NET1: variants seen among roughly 807,000 people sequenced by gnomAD.
NET1 encodes neuroepithelial cell transforming 1, also known as neuroepithelial cell-transforming gene 1 protein.
A neutral mutation model predicts 61.1 loss-of-function variants in NET1; 42 were observed. The observed-to-expected ratio is 0.69, with a 90% CI of 0.54 to 0.89. The LOEUF (loss-of-function observed/expected upper bound fraction) is 0.89. NET1 is among the 40% of genes least tolerant of loss of function. The pLI is 0.00. For synonymous variants in NET1, 254 were observed against 281.8 expected (o/e 0.90, Z 0.99); for missense variants, 654 against 747.3 (o/e 0.88, Z 1.46).
At chr10:5,419,770 G>A (rs1392950179) in intron 1 of NET1, among the ~76,000 whole-genome samples, 6 of 151,856 alleles carry the variant, frequency 4.0e-5, no homozygotes, top group Non-Finnish European at 7.4e-5. Flanking sequence ...CTTCATTCTC[G>A]AAAGATAATT....
Position 5,431,190 on chromosome 10 carries a change from C to G in NET1, c.255+1961C>G, listed in dbSNP as rs1464838580. ...CCGGCCTTAACTATATCTCTTAAGTCTCTTTTAGTTCATTGGTTTCCCCTC... is the reference window on the plus strand; with the variant it reads ...CCGGCCTTAACTATATCTCTTAAGTGTCTTTTAGTTCATTGGTTTCCCCTC... On this transcript the variant is annotated intron_variant, in intron 3 of 11. Coordinates refer to ENST00000355029, the MANE Select transcript of NET1 (RefSeq NM_001047160.3). The surrounding 1 kb of genome is among the most constrained non-coding windows in gnomAD (Gnocchi z 4.9). 6.6e-6 allele frequency among the ~76,000 whole-genome samples: 1 copy of G among 152,168 alleles called. No homozygotes were observed. The highest frequency in any genetic ancestry group is 2.1e-4 in the South Asian group (1 of 4,834).
At chr10:5,413,036 TG>T (rs1187075383) in intron 1 of NET1, among the ~76,000 whole-genome samples, 584 of 39,908 alleles carry the variant, frequency 0.015, 6 homozygotes, top group African/African-American at 0.097. Context: ...ACCGCGGGGT[TG>T]GGGGGGGGGA....
intron 2 of NET1, among the ~76,000 whole-genome samples, chr10:5,428,898 T>TC (rs1425027405): frequency 3.3e-5 from 5 of 150,606 alleles, no homozygotes; most frequent in Non-Finnish European, 7.4e-5. Context: ...AATTTTTTTT[T>TC]TTTTTTTGGA....
chr10:5,446,702 G>A lies in NET1; in HGVS notation c.256-5128G>A. On this transcript the variant is annotated intron_variant, in intron 3 of 11. Coordinates refer to ENST00000355029, the MANE Select transcript of NET1 (RefSeq NM_001047160.3). This position sits in a 1 kb window ranked among gnomAD's most constrained non-coding sequence, Gnocchi z 5.0. Reference sequence around the variant, plus strand: ...AGAAAAGCCCGTGTGCCTCTGCATAGCGTCGCTACAGCGCTGACTCGGTGT... The same window carrying A: ...AGAAAAGCCCGTGTGCCTCTGCATAACGTCGCTACAGCGCTGACTCGGTGT... The A allele has an allele frequency of 9.5e-6, 14 of 1,469,834 alleles. No homozygotes were observed. Among genetic ancestry groups the A allele is most frequent in the Non-Finnish European group, 1.3e-5 (14 of 1,097,890 alleles). 91.0% of individuals were successfully genotyped at this position (1,469,834 alleles called of 1,614,324 possible).
rs1377818009 is a variant in NET1, at chr10:5,439,126, AC to A, written c.255+9900del. On this transcript the variant is annotated intron_variant, in intron 3 of 11. Coordinates refer to ENST00000355029, the MANE Select transcript of NET1 (RefSeq NM_001047160.3). This position sits in a 1 kb window ranked among gnomAD's most constrained non-coding sequence, Gnocchi z 4.8. ...TTCCAAGCTCCTGACCAATCAGCCA[AC>A]CCATTTGCCACTGCTCAGGAGCCTG... is the stretch of plus-strand genomic sequence containing the variant. 6.6e-6 allele frequency among the ~76,000 whole-genome samples: 1 copy of A among 152,102 alleles called. No homozygotes were observed. Among genetic ancestry groups the A allele is most frequent in the Non-Finnish European group, 1.5e-5 (1 of 68,006 alleles).
chr10:5,454,607 T>A lies in NET1; in HGVS notation c.1026+85T>A. 1 of 1,415,468 alleles carries A rather than the reference T, an allele frequency of 7.1e-7. No homozygotes were observed. The highest frequency in any genetic ancestry group is 1.4e-5 in the South Asian group (1 of 73,176). 87.7% of individuals were successfully genotyped at this position (1,415,468 alleles called of 1,614,324 possible). ...AACGTTATCTTCTGAAGATGCTGAT[T>A]CACATCAGCATAGTGAATTGTTTTG... On this transcript the variant is annotated intron_variant, in intron 9 of 11. Coordinates refer to ENST00000355029, the MANE Select transcript of NET1 (RefSeq NM_001047160.3). The surrounding 1 kb of genome is among the most constrained non-coding windows in gnomAD (Gnocchi z 8.1).
chr10:5,452,641 AC>A lies in NET1; in HGVS notation c.531+118del, dbSNP rs1588439995. 1 of 1,135,762 alleles carries A rather than the reference AC, an allele frequency of 8.8e-7. No individual in the cohort carries two copies. The allele number at this position is 1,135,762 out of a possible 1,614,324, so 70.4% of individuals were successfully genotyped here. A position where few individuals can be genotyped will look rare whatever the true frequency, so the allele number is the denominator to read the frequency against. On this transcript the variant is annotated intron_variant, in intron 5 of 11. Coordinates refer to ENST00000355029, the MANE Select transcript of NET1 (RefSeq NM_001047160.3). The surrounding 1 kb of genome is among the most constrained non-coding windows in gnomAD (Gnocchi z 4.0). ...CAATTCCTAATACATGGTGAACAAAACCTAATGATGGATGGTGGTCAAATTA... is the reference window on the plus strand; with the variant it reads ...CAATTCCTAATACATGGTGAACAAAACTAATGATGGATGGTGGTCAAATTA...
rs9971221 is a variant in NET1, at chr10:5,431,711, C to T, written c.255+2482C>T. Among the ~76,000 whole-genome samples, 147,737 of 152,292 alleles carry T rather than the reference C, an allele frequency of 0.97. 71,773 individuals are homozygous for T. The highest frequency in any genetic ancestry group is 1 in the Non-Finnish European group (67,996 of 68,042). On this transcript the variant is annotated intron_variant, in intron 3 of 11. Coordinates refer to ENST00000355029, the MANE Select transcript of NET1 (RefSeq NM_001047160.3). This position sits in a 1 kb window ranked among gnomAD's most constrained non-coding sequence, Gnocchi z 4.9. The stretch of plus-strand genomic sequence containing the variant: ...AAAGTAAGTAATGATTTTTTTTTCT[C>T]CTTAGTATTATGAACTCATGCATAT...
In NET1 at chr10:5,435,382, A is replaced by G. The variant is rs187349713; in HGVS notation, c.255+6153A>G. On this transcript the variant is annotated intron_variant, in intron 3 of 11. Coordinates refer to ENST00000355029, the MANE Select transcript of NET1 (RefSeq NM_001047160.3). This position sits in a 1 kb window ranked among gnomAD's most constrained non-coding sequence, Gnocchi z 5.0. Reference sequence around the variant, plus strand: ...GCTTGGACTTACATCTAAATACAACAGTTTTTATGTAATAAGCTAAACATA... The same window carrying G: ...GCTTGGACTTACATCTAAATACAACGGTTTTTATGTAATAAGCTAAACATA... 6.6e-6 allele frequency among the ~76,000 whole-genome samples: 1 copy of G among 152,276 alleles called. No individual in the cohort carries two copies. Among genetic ancestry groups the G allele is most frequent in the Non-Finnish European group, 1.5e-5 (1 of 68,016 alleles).
chr10:5,456,946 G>A lies in NET1; in HGVS notation c.1743G>A (p.Ala581=), dbSNP rs554422011. The A allele has an allele frequency of 7.7e-5, 123 of 1,600,868 alleles. No individual in the cohort carries two copies. Among genetic ancestry groups the A allele is most frequent in the Middle Eastern group, 5.0e-4 (3 of 5,978 alleles). ...AGACACAGCCCGGCATCCGAAGAGC[G>A]AGGGACAAAGCCCTTTCTGGTGGCA... ...THQTQPGIRR[A]RDKALSGGKR... is the part of the protein sequence containing the mutation. The change falls in exon 12 of 12, where the codon GCG becomes GCA. Residue 581 remains alanine (A), a synonymous_variant. Transcript: ENST00000355029. The surrounding 1 kb of genome is among the most constrained non-coding windows in gnomAD (Gnocchi z 7.0).
Position 5,435,622 on chromosome 10 carries a change from T to C in NET1, c.255+6393T>C, listed in dbSNP as rs549629669. Among the ~76,000 whole-genome samples, 9 of 152,338 alleles carry C rather than the reference T, an allele frequency of 5.9e-5. No individual in the cohort carries two copies. In the South Asian group the frequency reaches 1.5e-3, roughly 25 times the overall value. Reference sequence around the variant, plus strand: ...TGAAATATTAATAATACAGGTCAAATGAATGACATAAGACCTTGGACTTAC... The same window carrying C: ...TGAAATATTAATAATACAGGTCAAACGAATGACATAAGACCTTGGACTTAC... On this transcript the variant is annotated intron_variant, in intron 3 of 11. Coordinates refer to ENST00000355029, the MANE Select transcript of NET1 (RefSeq NM_001047160.3). This position sits in a 1 kb window ranked among gnomAD's most constrained non-coding sequence, Gnocchi z 5.0.
In NET1 at chr10:5,417,173, G is replaced by T. The variant is rs79236193; in HGVS notation, c.128+4353G>T. 1.4e-5 allele frequency among the ~76,000 whole-genome samples: 2 copies of T among 145,718 alleles called. No individual in the cohort carries two copies. The highest frequency in any genetic ancestry group is 1.4e-4 in the Admixed American group (2 of 14,646). ...ATGGCCTGCCAGCTGGCCTGCCAGC[G>T]TGCTGGTGTACTCCCACGTCGATGT... On this transcript the variant is annotated intron_variant, in intron 1 of 11. Transcript: ENST00000355029. This position sits in a 1 kb window ranked among gnomAD's most constrained non-coding sequence, Gnocchi z 5.5.
At chr10:5,429,029 T>TG (rs1435976389) in intron 2 of NET1, 141 bp from the exon 3 acceptor site, 47 of 543,472 alleles carry the variant, frequency 8.6e-5, no homozygotes, top group Admixed American at 1.4e-4. Context: ...CCACCGCGCC[T>TG]GGCCTCAAAG....
rs1832100101 is a variant in NET1, at chr10:5,417,326, A to G, written c.128+4506A>G. Among the ~76,000 whole-genome samples the G allele has an allele frequency of 6.6e-6, 1 of 151,812 alleles. No individual in the cohort carries two copies. The highest frequency in any genetic ancestry group is 1.5e-5 in the Non-Finnish European group (1 of 67,952). ...TGTGGTGAGCCAGGGTGGTCTTGGGAAATGCAACATTTGGGTAGGAAAACA... is the reference window on the plus strand; with the variant it reads ...TGTGGTGAGCCAGGGTGGTCTTGGGGAATGCAACATTTGGGTAGGAAAACA... On this transcript the variant is annotated intron_variant, in intron 1 of 11. Transcript: ENST00000355029. The surrounding 1 kb of genome is among the most constrained non-coding windows in gnomAD (Gnocchi z 5.5).
In NET1 at chr10:5,429,212, AG is replaced by A. The variant is rs1340354312; in HGVS notation, c.239del (p.Ser80ThrfsTer5). On this transcript the variant is annotated frameshift_variant, in exon 3 of 12. Transcript: ENST00000355029. LOFTEE classifies it high-confidence loss of function. ...GAAAGATGATGATGTTGTAAGCCTT[AG>A]CAGCCTTGATCTGAAGGTAAGCCCT... ...REKDDDVVSL[S>X]SLDLKEPSNK... is the part of the protein sequence containing the mutation. 1 of 1,609,400 alleles carries A rather than the reference AG, an allele frequency of 6.2e-7. No individual in the cohort carries two copies. The highest frequency in any genetic ancestry group is 2.2e-5 in the East Asian group (1 of 44,814).
Position 5,456,729 on chromosome 10 carries a change from C to T in NET1, c.1526C>T (p.Pro509Leu), listed in dbSNP as rs758135988. The T allele has an allele frequency of 1.2e-6, 2 of 1,614,140 alleles. No individual in the cohort carries two copies. The highest frequency in any genetic ancestry group is 2.2e-5 in the South Asian group (2 of 91,074). The change falls in exon 12 of 12, where the codon CCA becomes CTA. Residue 509 changes from proline to leucine, a missense_variant. Coordinates refer to ENST00000355029, the MANE Select transcript of NET1 (RefSeq NM_001047160.3). This position sits in a 1 kb window ranked among gnomAD's most constrained non-coding sequence, Gnocchi z 7.0. ...GCCCCCTTCCAGTCGGCAGGCAGTC[C>T]ACCTGAGCTGCAGGGCCTGCCGGAG... ...AIAPFQSAGS[P>L]PELQGLPELH...
rs1035639061 is a variant in NET1, at chr10:5,454,273, C to G, written c.777C>G (p.Arg259=). The change falls in exon 9 of 12, where the codon CGC becomes CGG. Residue 259 remains arginine, a synonymous_variant. Coordinates refer to ENST00000355029, the MANE Select transcript of NET1 (RefSeq NM_001047160.3). This position sits in a 1 kb window ranked among gnomAD's most constrained non-coding sequence, Gnocchi z 8.1. ...CTTTTATTACTCTTCAGTTACCGCGCTTGAATGCCTACAGAGGTTACTGTA... is the reference window on the plus strand; with the variant it reads ...CTTTTATTACTCTTCAGTTACCGCGGTTGAATGCCTACAGAGGTTACTGTA... ...IGHILVSWLP[R]LNAYRGYCSN... 1.2e-6 allele frequency: 2 copies of G among 1,611,676 alleles called. No homozygotes were observed. Among genetic ancestry groups the G allele is most frequent in the African/African-American group, 2.7e-5 (2 of 74,622 alleles).
Position 5,429,218 on chromosome 10 carries a change from CT to C in NET1, c.246del (p.Asp83IlefsTer2). ...TGATGATGTTGTAAGCCTTAGCAGC[CT>C]TGATCTGAAGGTAAGCCCTGCTGCC... The part of the protein sequence containing the change: ...KDDDVVSLSS[L>X]DLKEPSNKRV... On this transcript the variant is annotated frameshift_variant, in exon 3 of 12. Coordinates refer to ENST00000355029, the MANE Select transcript of NET1 (RefSeq NM_001047160.3). LOFTEE classifies it high-confidence loss of function. 6.2e-7 allele frequency: 1 copy of C among 1,607,374 alleles called. No homozygotes were observed. The highest frequency in any genetic ancestry group is 8.5e-7 in the Non-Finnish European group (1 of 1,176,342).
At chr10:5,434,933 C>T (rs1832404820) in intron 3 of NET1, among the ~76,000 whole-genome samples, 1 of 152,078 alleles carries the variant, frequency 6.6e-6, no homozygotes, top group Non-Finnish European at 1.5e-5. Flanking sequence ...AATTTATTTG[C>T]ATTGCTGTGA....
Sources: allele counts gnomAD v4.1 joint callset (sites outside exome capture counted in the v4.1 genomes callset), GRCh38; gene constraint gnomAD v4.1.1; non-coding constraint Gnocchi (gnomAD v3.1); transcripts MANE v1.5; gene names NCBI Gene and HGNC (gene_info 2026-07-23, HGNC 2026-07-21).